NAV2: variants seen among roughly 807,000 people sequenced by gnomAD.
NAV2 encodes the protein neuron navigator 2.
Under a neutral mutation model 223.2 loss-of-function variants are expected in NAV2, and 54 were observed. The observed-to-expected ratio is 0.24, with a 90% CI of 0.19 to 0.30. The LOEUF is 0.30. Among genes scored for constraint, NAV2 ranks in the 10% least tolerant of loss-of-function variants. NAV2 has a pLI of 1.00. For synonymous variants in NAV2, 1,279 were observed against 1,239.3 expected, an observed-to-expected ratio of 1.03 and a Z score of -0.67; for missense variants, 2,806 against 3,147.5, an observed-to-expected ratio of 0.89 and a Z score of 2.60.
At chr11:19,828,319 C>G (rs1221799737) in intron 1 of NAV2, among the ~76,000 whole-genome samples, 1 of 147,040 alleles carries the variant, frequency 6.8e-6, no homozygotes, top group Non-Finnish European at 1.5e-5. Context: ...CATCCCAAAC[C>G]AAAACTCTGT....
intron 18 of NAV2, among the ~76,000 whole-genome samples, chr11:20,054,990 T>C (rs937908901): frequency 2.6e-5 from 4 of 152,232 alleles, no homozygotes; most frequent in South Asian, 2.1e-4. Flanking sequence ...GCTGAAGTTA[T>C]AGGCAGAGGT....
At chr11:19,378,526 C>A (rs893410015) in intron 1 of NAV2, among the ~76,000 whole-genome samples, 4 of 148,122 alleles carry the variant, frequency 2.7e-5, no homozygotes, top group African/African-American at 9.9e-5. Context: ...TAATAAAGAG[C>A]GGCGCCTCAC....
At chr11:19,632,831 C>T (rs889491338) in intron 1 of NAV2, among the ~76,000 whole-genome samples, 2 of 152,238 alleles carry the variant, frequency 1.3e-5, no homozygotes, top group African/African-American at 4.8e-5. Context: ...ATCCACACAG[C>T]ATTTAGCAAG....
At chr11:19,543,178 G>A (rs1410130576) in intron 1 of NAV2, among the ~76,000 whole-genome samples, 1 of 152,186 alleles carries the variant, frequency 6.6e-6, no homozygotes, top group East Asian at 1.9e-4. Context: ...TGCCATTTCC[G>A]ATATGGGTGA....
intron 1 of NAV2, among the ~76,000 whole-genome samples, chr11:19,395,561 C>T (rs987071102): frequency 1.3e-5 from 2 of 152,240 alleles, no homozygotes; most frequent in East Asian, 1.9e-4. Flanking sequence ...TTGCAGGAGT[C>T]TGAACCATGC....
At chr11:19,493,609 C>A (rs991975429) in intron 1 of NAV2, among the ~76,000 whole-genome samples, 2 of 152,126 alleles carry the variant, frequency 1.3e-5, no homozygotes, top group Non-Finnish European at 2.9e-5. Context: ...ACAGAAAGCA[C>A]CTCCCCTGCC....
intron 11 of NAV2, among the ~76,000 whole-genome samples, chr11:20,002,584 C>T (rs537000826): frequency 3.3e-5 from 5 of 152,128 alleles, no homozygotes; most frequent in East Asian, 1.9e-4. Context: ...ACAGCAGTCC[C>T]GGTTTGGTAG....
At chr11:19,963,960 AC>A (rs1198562666) in intron 10 of NAV2, among the ~76,000 whole-genome samples, 14 of 152,262 alleles carry the variant, frequency 9.2e-5, no homozygotes, top group African/African-American at 3.4e-4. Context: ...TAGACATGAT[AC>A]CCGAATTTCT....
chr11:20,071,433 G>A (rs900754667), intron 22 of NAV2, among the ~76,000 whole-genome samples: 2 of 152,116 alleles, frequency 1.3e-5, no homozygotes, highest in African/African-American at 2.4e-5. Context: ...GTGTGCATGC[G>A]TCTTTATAGT....
chr11:19,955,519 C>T (rs1309617039), intron 10 of NAV2, among the ~76,000 whole-genome samples: 1 of 152,224 alleles, frequency 6.6e-6, no homozygotes, highest in Non-Finnish European at 1.5e-5. Flanking sequence ...ACATGTCTTT[C>T]TTCTTCTGGG....
At chr11:20,051,708 A>G (rs2058021381) in intron 17 of NAV2, among the ~76,000 whole-genome samples, 1 of 152,208 alleles carries the variant, frequency 6.6e-6, no homozygotes, top group Non-Finnish European at 1.5e-5. Flanking sequence ...GACTTATAGC[A>G]TACTGATTTG....
chr11:19,758,804 C>T (rs552723001), intron 1 of NAV2, among the ~76,000 whole-genome samples: 2 of 152,294 alleles, frequency 1.3e-5, no homozygotes, highest in East Asian at 1.9e-4. Flanking sequence ...AGCTGGCAAT[C>T]GCCTTGTGAC....
chr11:19,724,128 T>C (rs2051023593), intron 1 of NAV2, among the ~76,000 whole-genome samples: 1 of 152,150 alleles, frequency 6.6e-6, no homozygotes, highest in African/African-American at 2.4e-5. Flanking sequence ...CATAGCTCCA[T>C]TGTACAGATG....
chr11:19,720,536 G>C (rs11025218), intron 1 of NAV2, among the ~76,000 whole-genome samples: 43,122 of 152,112 alleles, frequency 0.28, 6,257 homozygotes, highest in Middle Eastern at 0.37. Context: ...GTTCATCTTG[G>C]TGGGACAGAG....
At chr11:19,636,262 C>T (rs946168847) in intron 1 of NAV2, among the ~76,000 whole-genome samples, 2 of 152,110 alleles carry the variant, frequency 1.3e-5, no homozygotes, top group African/African-American at 4.8e-5. Context: ...AATGACTTGC[C>T]CCTGAATATC....
At chr11:19,818,292 C>T (rs58174933) in intron 1 of NAV2, among the ~76,000 whole-genome samples, 2,689 of 113,856 alleles carry the variant, frequency 0.024, 95 homozygotes, top group African/African-American at 0.085. Flanking sequence ...TACTCAGTGA[C>T]GTTTAACAGT....
chr11:19,817,689 G>A (rs1405054471), intron 1 of NAV2, among the ~76,000 whole-genome samples: 4 of 152,190 alleles, frequency 2.6e-5, no homozygotes, highest in Non-Finnish European at 2.9e-5. Flanking sequence ...TCTGTAACAA[G>A]CACGCTGAGA....
rs376319838 is a variant in NAV2, at chr11:20,051,295, G to A, written c.4443G>A (p.Pro1481=). 3.7e-6 allele frequency: 6 copies of A among 1,613,628 alleles called. No individual in the cohort carries two copies. The African/African-American group carries it at 4.0e-5, about 11-fold the overall frequency. The change falls in exon 17 of 38, where the codon CCG becomes CCA. Residue 1481 remains proline, a synonymous_variant. Transcript: ENST00000349880. ...TGTTTTAACTTTCCTACAGTGACCCGCACCTTGATAGGAACACTTTGCCTA... is the reference window on the plus strand; with the variant it reads ...TGTTTTAACTTTCCTACAGTGACCCACACCTTGATAGGAACACTTTGCCTA... The part of the protein sequence containing the change: ...STLPRKQDSD[P]HLDRNTLPKK...
chr11:19,781,113 A>G (rs9666274), intron 1 of NAV2, among the ~76,000 whole-genome samples: 88,497 of 151,746 alleles, frequency 0.58, 26,763 homozygotes, highest in Middle Eastern at 0.77. Context: ...TCCATTATTC[A>G]GATAAAGAAA....
Sources: allele counts gnomAD v4.1 joint callset (sites outside exome capture counted in the v4.1 genomes callset), GRCh38; gene constraint gnomAD v4.1.1; transcripts MANE v1.5; gene names NCBI Gene and HGNC (gene_info 2026-07-23, HGNC 2026-07-21).